The following GBF1 variants were observed in gnomAD, a reference collection of about 807,000 sequenced individuals.
GBF1 encodes the protein golgi brefeldin A resistant guanine nucleotide exchange factor 1.
In GBF1, 114 loss-of-function variants were observed where a neutral mutation model predicts 210.5. The observed-to-expected ratio is 0.54, with a 90% CI of 0.47 to 0.63. The LOEUF is 0.63. Among genes scored for constraint, GBF1 ranks in the 30% least tolerant of loss-of-function variants. The pLI is 0.00. For synonymous variants in GBF1, 850 were observed against 889.2 expected, an observed-to-expected ratio of 0.96 and a Z score of 0.78; for missense variants, 1,851 against 2,357.7, an observed-to-expected ratio of 0.79 and a Z score of 4.45.
chr10:102,380,354 G>A lies in GBF1; in HGVS notation c.4984G>A (p.Asp1662Asn). Reference protein sequence around the residue: ...MDKYMHAGSSDLLSEAIPESL... With the variant: ...MDKYMHAGSSNLLSEAIPESL... ...CAAGTACATGCACGCAGGCTCCAGC[G>A]ACTTACTGGTATGTTCTACCTCAGC... The change falls in exon 37 of 40, where the codon GAC becomes AAC. Residue 1662 changes from aspartate to asparagine, a missense_variant. By Grantham distance (23) the Asp-to-Asn change is conservative (BLOSUM62 1). Coordinates refer to ENST00000369983, the MANE Select transcript of GBF1 (RefSeq NM_001377137.1). The A allele has an allele frequency of 8.1e-6, 13 of 1,611,170 alleles. No homozygotes were observed. Among genetic ancestry groups the A allele is most frequent in the Non-Finnish European group, 1.1e-5 (13 of 1,177,478 alleles).
At position 102,260,114 on chromosome 10, in the gene GBF1, C is replaced by A. The variant is rs544769042; in HGVS notation, c.161C>A (p.Thr54Lys). 1.1e-5 allele frequency: 17 copies of A among 1,490,624 alleles called. No homozygotes were observed. In the South Asian group the frequency reaches 1.8e-4, roughly 16 times the overall value. The allele number at this position is 1,490,624 out of a possible 1,614,324, so 92.3% of individuals were successfully genotyped here. ...CTAAAGGAGGTTTTAAACAGTATAA[C>A]AGGTAAGTCTCCATATGTATGTGGA... ...GHLKEVLNSITELSEIEPNVF... is the reference protein window; with the variant it reads ...GHLKEVLNSIKELSEIEPNVF... The change falls in exon 3 of 40, where the codon ACA (threonine) becomes AAA (lysine). Residue 54 changes from threonine (T) to lysine (K), a missense_variant and splice_region_variant. Thr to Lys is a moderately conservative substitution (Grantham distance 78, BLOSUM62 -1). This residue lies in a region of GBF1 where 804 missense variants were observed against 958.6 expected (regional missense o/e 0.84). Coordinates refer to ENST00000369983, the MANE Select transcript of GBF1 (RefSeq NM_001377137.1).
At chr10:102,350,977 C>T (rs538631755) in intron 4 of GBF1, among the ~76,000 whole-genome samples, 2 of 151,718 alleles carry the variant, frequency 1.3e-5, no homozygotes, top group South Asian at 2.1e-4. Context: ...ATGCCAGCTA[C>T]TCGGGAGGCT....
At chr10:102,305,327 T>A (rs921352227) in intron 3 of GBF1, among the ~76,000 whole-genome samples, 13 of 151,818 alleles carry the variant, frequency 8.6e-5, no homozygotes, top group Non-Finnish European at 1.2e-4. Flanking sequence ...GAAATTGGAG[T>A]CCTGGCCAGG....
chr10:102,376,908 AT>A, intron 32 of GBF1, 26 bp from the exon 33 acceptor site: 1 of 1,612,020 alleles, frequency 6.2e-7, no homozygotes, highest in Non-Finnish European at 8.5e-7. Flanking sequence ...AGACACAGAA[AT>A]GTGACCTGAG....
At chr10:102,312,610 G>T (rs2078564939) in intron 3 of GBF1, among the ~76,000 whole-genome samples, 1 of 152,096 alleles carries the variant, frequency 6.6e-6, no homozygotes, top group East Asian at 1.9e-4. Flanking sequence ...GTCTATGCAG[G>T]TTAAAAGATC....
intron 3 of GBF1, among the ~76,000 whole-genome samples, chr10:102,279,888 G>GC (rs2075322425): frequency 6.6e-6 from 1 of 152,182 alleles, no homozygotes; most frequent in African/African-American, 2.4e-5. Context: ...GGAGGGCGAC[G>GC]CAAGAGGATT....
intron 3 of GBF1, among the ~76,000 whole-genome samples, chr10:102,284,562 G>A (rs1399393882): frequency 6.6e-6 from 1 of 152,160 alleles, no homozygotes; most frequent in African/African-American, 2.4e-5. Context: ...TAATGTTTTT[G>A]AGGGTCATCC....
In GBF1 at chr10:102,375,412, A is replaced by T. The variant is rs1448270236; in HGVS notation, c.3714A>T (p.Arg1238=). Residue 1238 remains arginine (R), a synonymous_variant, in exon 30 of 40, where the codon CGA becomes CGT. Transcript: ENST00000369983. The part of the protein sequence containing the change: ...LLLMKPSVLS[R]VSHQVAYGLH... ...TGATGAAGCCCAGTGTGCTATCCCG[A>T]GTCAGCCACCAGGTTGCGTATGGGC... 6.2e-7 allele frequency: 1 copy of T among 1,613,828 alleles called. No homozygotes were observed.
At chr10:102,344,820 G>A (rs1393159909) in intron 4 of GBF1, among the ~76,000 whole-genome samples, 1 of 152,074 alleles carries the variant, frequency 6.6e-6, no homozygotes, top group Non-Finnish European at 1.5e-5. Context: ...CAAACATAAT[G>A]CATGCACATT....
In GBF1 at chr10:102,351,379, G is replaced by C. The variant is rs1309677063; in HGVS notation, c.414+5G>C. 2.7e-6 allele frequency: 4 copies of C among 1,469,266 alleles called. No individual in the cohort carries two copies. The highest frequency in any genetic ancestry group is 3.8e-6 in the Non-Finnish European group (4 of 1,047,732). The allele number at this position is 1,469,266 out of a possible 1,614,324, so 91.0% of individuals were successfully genotyped here. ...GTCCTGATGAAAATCCTTCAGGTAA[G>C]CGAGAGGGAAATAGCAATTAGGCTA... On this transcript the variant is annotated splice_donor_5th_base_variant and intron_variant, in intron 5 of 39. Transcript: ENST00000369983.
rs1268474568 is a variant in GBF1 at position 102,380,314 on chromosome 10, C to A, written c.4944C>A (p.Ile1648=). ...LSTFAALWLT[I]LDFMDKYMHA... ...CCTTTGCGGCCCTCTGGCTCACCATCTTGGACTTCATGGACAAGTACATGC... is the reference window on the plus strand; with the variant it reads ...CCTTTGCGGCCCTCTGGCTCACCATATTGGACTTCATGGACAAGTACATGC... Residue 1648 remains isoleucine, a synonymous_variant, in exon 37 of 40, where the codon ATC becomes ATA. Coordinates refer to ENST00000369983, the MANE Select transcript of GBF1 (RefSeq NM_001377137.1). The A allele has an allele frequency of 6.2e-7, 1 of 1,614,114 alleles. No individual in the cohort carries two copies. Among genetic ancestry groups the A allele is most frequent in the South Asian group, 1.1e-5 (1 of 91,086 alleles).
chr10:102,279,201 AAG>A (rs2075269973), intron 3 of GBF1, among the ~76,000 whole-genome samples: 1 of 152,204 alleles, frequency 6.6e-6, no homozygotes, highest in African/African-American at 2.4e-5. Flanking sequence ...AATAACTAAA[AAG>A]AGTTTGAAAA....
chr10:102,242,434 G>A (rs77832409), upstream of GBF1, among the ~76,000 whole-genome samples: 2 of 152,208 alleles, frequency 1.3e-5, no homozygotes, highest in Non-Finnish European at 2.9e-5. Context: ...CTGGTTTCCC[G>A]CTGGTGGTAC....
intron 3 of GBF1, among the ~76,000 whole-genome samples, chr10:102,261,360 C>T (rs2073191982): frequency 6.6e-6 from 1 of 152,036 alleles, no homozygotes; most frequent in African/African-American, 2.4e-5. Context: ...CTGAAAGGGA[C>T]AGCCTCAGAG....
At chr10:102,333,089 C>T (rs1297152492) in intron 3 of GBF1, among the ~76,000 whole-genome samples, 1 of 152,182 alleles carries the variant, frequency 6.6e-6, no homozygotes. Flanking sequence ...ACCACCACCA[C>T]CTTCCCCAGG....
chr10:102,259,028 A>C lies in GBF1; in HGVS notation c.90A>C (p.Thr30=), dbSNP rs1361632528. 1.3e-6 allele frequency: 2 copies of C among 1,533,472 alleles called. No individual in the cohort carries two copies. The highest frequency in any genetic ancestry group is 3.3e-5 in the Admixed American group (2 of 59,918). 95.0% of individuals were successfully genotyped at this position (1,533,472 alleles called of 1,614,324 possible). ...IKRNARWSTH[T]PLDEERDPLL... Reference sequence around the variant, plus strand: ...GAAATGCCCGATGGAGCACCCATACACCACTGGTAAGTGGGAAATGGATAA... The same window carrying C: ...GAAATGCCCGATGGAGCACCCATACCCCACTGGTAAGTGGGAAATGGATAA... Residue 30 remains threonine (T), a synonymous_variant, in exon 2 of 40, where the codon ACA becomes ACC. Coordinates refer to ENST00000369983, the MANE Select transcript of GBF1 (RefSeq NM_001377137.1).
intron 3 of GBF1, among the ~76,000 whole-genome samples, chr10:102,319,814 C>T (rs148355679): frequency 1.1e-3 from 169 of 150,988 alleles, no homozygotes; most frequent in African/African-American, 3.8e-3. Context: ...CTGCAACCTC[C>T]GCCTCCCAAG....
chr10:102,366,522 AG>A lies in GBF1; in HGVS notation c.2433+20del. 6.2e-7 allele frequency: 1 copy of A among 1,609,396 alleles called. No individual in the cohort carries two copies. On this transcript the variant is annotated intron_variant, in intron 19 of 39. Coordinates refer to ENST00000369983, the MANE Select transcript of GBF1 (RefSeq NM_001377137.1). The surrounding 1 kb of genome is among the most constrained non-coding windows in gnomAD (Gnocchi z 4.0). ...GCGTTGGATGGTGAGTTTGAGTGTC[AG>A]GGGCTGAGCCCAGGATCCAAGGTCA...
chr10:102,337,820 G>A (rs900079495), intron 3 of GBF1, among the ~76,000 whole-genome samples: 3 of 152,162 alleles, frequency 2.0e-5, no homozygotes, highest in African/African-American at 7.2e-5. Context: ...TCACACCACT[G>A]CACTCCAGCC....
Sources: allele counts gnomAD v4.1 joint callset (sites outside exome capture counted in the v4.1 genomes callset), GRCh38; gene constraint gnomAD v4.1.1; regional missense constraint gnomAD v4.1.1; non-coding constraint Gnocchi (gnomAD v3.1); transcripts MANE v1.5; gene names NCBI Gene and HGNC (gene_info 2026-07-23, HGNC 2026-07-21).